Variants in HCFC2 observed in about 807,000 individuals in gnomAD.
HCFC2 encodes host cell factor 2.
Under a neutral mutation model 89.2 loss-of-function variants are expected in HCFC2, and 18 were observed. The ratio of observed to expected loss-of-function variants is 0.20; its 90% CI spans 0.14 to 0.30. HCFC2 has a LOEUF of 0.30. Among genes scored for constraint, HCFC2 ranks in the 10% least tolerant of loss-of-function variants. The pLI is 1.00. For synonymous variants in HCFC2, 308 were observed against 335.7 expected (o/e 0.92, Z 0.90); for missense variants, 578 against 956.1 (o/e 0.60, Z 5.21).
At chr12:104,082,969 A>G in intron 7 of HCFC2, 68 bp downstream of exon 7, 1 of 1,124,222 alleles carries the variant, frequency 8.9e-7, no homozygotes, top group Non-Finnish European at 1.3e-6. Flanking sequence ...GCCTTTTGAG[A>G]CTTACTGTAA....
Position 104,066,227 on chromosome 12 carries a change from A to G in HCFC2, c.224A>G (p.His75Arg). The G allele has an allele frequency of 6.2e-7, 1 of 1,613,454 alleles. No individual in the cohort carries two copies. Among genetic ancestry groups the G allele is most frequent in the Non-Finnish European group, 8.5e-7 (1 of 1,179,728 alleles). ...GATATCCCTCCAGGCTGTGCTGCCCATGGATTTGTCTGTGATGGTACCAGA... is the reference window on the plus strand; with the variant it reads ...GATATCCCTCCAGGCTGTGCTGCCCGTGGATTTGTCTGTGATGGTACCAGA... ...RGDIPPGCAA[H>R]GFVCDGTRIL... The change falls in exon 2 of 15, where the codon CAT (histidine) becomes CGT (arginine). Residue 75 changes from histidine (H) to arginine (R), a missense_variant. Physicochemically the swap from His to Arg is conservative, Grantham distance 29. Around this residue, in one of 4 missense-constraint regions of HCFC2, gnomAD observed 206 missense variants for 419.2 expected, o/e 0.49. Transcript: ENST00000229330.
At chr12:104,094,343 T>A (rs1017996552) in intron 10 of HCFC2, among the ~76,000 whole-genome samples, 1 of 152,156 alleles carries the variant, frequency 6.6e-6, no homozygotes, top group Non-Finnish European at 1.5e-5. Flanking sequence ...TGGTACAGTG[T>A]CCAGGACATA....
chr12:104,096,529 G>T, intron 12 of HCFC2, 96 bp downstream of exon 12: 2 of 792,010 alleles, frequency 2.5e-6, no homozygotes, highest in Non-Finnish European at 4.2e-6. Context: ...AAGATTCTCA[G>T]GTCTCAGTAA....
rs752908767 is a variant in HCFC2, at chr12:104,103,061, G to A, written c.2167G>A (p.Asp723Asn). The A allele has an allele frequency of 2.5e-6, 4 of 1,613,894 alleles. No individual in the cohort carries two copies. The highest frequency in any genetic ancestry group is 3.4e-6 in the Non-Finnish European group (4 of 1,179,936). Residue 723 changes from aspartate (D) to asparagine (N), a missense_variant, in exon 15 of 15, where the codon GAT (aspartate) becomes AAT (asparagine). By Grantham distance (23) the Asp-to-Asn change is conservative (BLOSUM62 1). Coordinates refer to ENST00000229330, the MANE Select transcript of HCFC2 (RefSeq NM_013320.3). ...GGCTATCCGCACAGCACAGATACAA[G>A]ATAATCCAAGTCAACTTGTGTTCAT... ...YLAIRTAQIQ[D>N]NPSQLVFMRI... is the part of the protein sequence containing the mutation.
chr12:104,101,335 A>G (rs1417507407), intron 13 of HCFC2, among the ~76,000 whole-genome samples: 1 of 152,066 alleles, frequency 6.6e-6, no homozygotes, highest in Non-Finnish European at 1.5e-5. Flanking sequence ...AAATACAAAA[A>G]TTAGTTGGGT....
intron 3 of HCFC2, among the ~76,000 whole-genome samples, chr12:104,075,082 TG>T (rs1883451856): frequency 6.6e-6 from 1 of 152,060 alleles, no homozygotes; most frequent in Non-Finnish European, 1.5e-5. Context: ...CAGCCAGGTG[TG>T]GTGGTACGCA....
Position 104,098,401 on chromosome 12 carries a change from A to G in HCFC2, c.1799A>G (p.Asp600Gly). 6.2e-7 allele frequency: 1 copy of G among 1,613,208 alleles called. No homozygotes were observed. Among genetic ancestry groups the G allele is most frequent in the Non-Finnish European group, 8.5e-7 (1 of 1,179,734 alleles). ...TVKAGERQWC[D>G]VGIFKNNTAL... ...AAAGCGGGAGAACGACAATGGTGTG[A>G]TGTGGGAATTTTTAAAAATAATACA... is the stretch of plus-strand genomic sequence containing the variant. The change falls in exon 13 of 15, where the codon GAT becomes GGT. Residue 600 changes from aspartate (D) to glycine (G), a missense_variant. By Grantham distance (94) the Asp-to-Gly change is moderately conservative. Around this residue, in one of 4 missense-constraint regions of HCFC2, gnomAD observed 140 missense variants for 266.4 expected, o/e 0.53. Transcript: ENST00000229330.
Position 104,086,861 on chromosome 12 carries a change from C to T in HCFC2, c.1078C>T (p.Pro360Ser). ...TTGTTCTATAGAGAAACCACCGGCACCATCTCAAGTACAGCTGATCAAAGC... is the reference window on the plus strand; with the variant it reads ...TTGTTCTATAGAGAAACCACCGGCATCATCTCAAGTACAGCTGATCAAAGC... ...WYLDTEKPPA[P>S]SQVQLIKATT... Residue 360 changes from proline to serine, a missense_variant, in exon 8 of 15, where the codon CCA (proline) becomes TCA (serine). Around this residue, in one of 4 missense-constraint regions of HCFC2, gnomAD observed 210 missense variants for 251.7 expected, o/e 0.83. Transcript: ENST00000229330. The T allele has an allele frequency of 2.5e-6, 4 of 1,613,662 alleles. No homozygotes were observed. The highest frequency in any genetic ancestry group is 1.1e-5 in the South Asian group (1 of 91,060).
At position 104,093,551 on chromosome 12, in the gene HCFC2, A is replaced by T. The variant is rs1386269875; in HGVS notation, c.1450A>T (p.Arg484Trp). Residue 484 changes from arginine to tryptophan, a missense_variant, in exon 10 of 15, where the codon AGG (arginine) becomes TGG (tryptophan). Transcript: ENST00000229330. ...NHNSHVVDML[R>W]KNEGPHTSAN... Reference sequence around the variant, plus strand: ...TAATAGTCATGTGGTGGATATGCTAAGGAAAAATGAAGGTATATGGATGAC... The same window carrying T: ...TAATAGTCATGTGGTGGATATGCTATGGAAAAATGAAGGTATATGGATGAC... 3 of 1,608,516 alleles carry T rather than the reference A, an allele frequency of 1.9e-6. No individual in the cohort carries two copies. The highest frequency in any genetic ancestry group is 1.3e-5 in the African/African-American group (1 of 74,654).
chr12:104,087,816 A>C (rs1322079483), intron 8 of HCFC2, among the ~76,000 whole-genome samples, 170 bp from the exon 9 acceptor site: 1 of 152,162 alleles, frequency 6.6e-6, no homozygotes, highest in Non-Finnish European at 1.5e-5. Flanking sequence ...AATTTTGCAC[A>C]TTTTTCCAGA....
At chr12:104,096,477 T>TG (rs1884182395) in intron 12 of HCFC2, 44 bp downstream of exon 12, 2 of 1,357,870 alleles carry the variant, frequency 1.5e-6, no homozygotes. Context: ...CACATGATTA[T>TG]GTACTTTTAA....
intron 9 of HCFC2, among the ~76,000 whole-genome samples, chr12:104,089,927 C>T (rs1309329656): frequency 1.3e-5 from 2 of 151,900 alleles, no homozygotes; most frequent in Non-Finnish European, 2.9e-5. Flanking sequence ...TTTTTTCCCC[C>T]CTTGGAACCA....
chr12:104,066,351 T>C, intron 2 of HCFC2, 36 bp downstream of exon 2: 1 of 1,462,336 alleles, frequency 6.8e-7, no homozygotes, highest in Non-Finnish European at 9.3e-7. Context: ...TCTGAGGCTT[T>C]AATAATGATA....
At chr12:104,069,627 T>G (rs1438492060) in intron 3 of HCFC2, among the ~76,000 whole-genome samples, 2 of 152,170 alleles carry the variant, frequency 1.3e-5, no homozygotes, top group Non-Finnish European at 2.9e-5. Context: ...ATCCATGCTG[T>G]GGCAAATGGT....
intron 3 of HCFC2, among the ~76,000 whole-genome samples, chr12:104,072,809 A>AT (rs918044974): frequency 2.4e-4 from 36 of 150,702 alleles, no homozygotes; most frequent in Admixed American, 2.2e-3. Flanking sequence ...TGCCCAGCTA[A>AT]TTTTTTTTGT....
At chr12:104,085,439 GA>G (rs1360701400) in intron 7 of HCFC2, among the ~76,000 whole-genome samples, 2 of 151,990 alleles carry the variant, frequency 1.3e-5, no homozygotes, top group Non-Finnish European at 2.9e-5. Flanking sequence ...GAAATTGGAT[GA>G]AAAAAATGTG....
intron 3 of HCFC2, among the ~76,000 whole-genome samples, chr12:104,069,809 C>G (rs1481579374): frequency 1.3e-5 from 2 of 152,090 alleles, no homozygotes; most frequent in East Asian, 3.9e-4. Flanking sequence ...TTTTAAGCCC[C>G]GCATGCATTA....
At chr12:104,078,283 G>T (rs143395043) in intron 3 of HCFC2, among the ~76,000 whole-genome samples, 19 of 152,326 alleles carry the variant, frequency 1.2e-4, no homozygotes, top group Middle Eastern at 3.4e-3. Context: ...TTACAGGCGT[G>T]AGTCACCGCG....
intron 3 of HCFC2, among the ~76,000 whole-genome samples, chr12:104,072,546 A>G (rs1009625498): frequency 1.3e-5 from 2 of 151,890 alleles, no homozygotes; most frequent in Admixed American, 6.6e-5. Context: ...TCTCTCAGCA[A>G]TATTTTGTAG....
Sources: allele counts gnomAD v4.1 joint callset (sites outside exome capture counted in the v4.1 genomes callset), GRCh38; gene constraint gnomAD v4.1.1; regional missense constraint gnomAD v4.1.1; transcripts MANE v1.5; gene names NCBI Gene and HGNC (gene_info 2026-07-23, HGNC 2026-07-21).